The following NLRP3 variants were observed in gnomAD, a reference collection of about 807,000 sequenced individuals.
NLRP3 encodes NLR family pyrin domain containing 3.
Under a neutral mutation model 91.3 loss-of-function variants are expected in NLRP3, and 48 were observed. The ratio of observed to expected loss-of-function variants is 0.53; its 90% confidence interval spans 0.42 to 0.67. The LOEUF is 0.67. Ranked by LOEUF, NLRP3 falls within the 30% of genes least tolerant of loss-of-function variation. The pLI, the probability that NLRP3 is intolerant of heterozygous loss-of-function variation, is 0.00. For missense variants in NLRP3, 982 were observed against 1,276.9 expected, an observed-to-expected ratio of 0.77 and a Z score of 3.52; for synonymous variants, 561 against 507.9, an observed-to-expected ratio of 1.10 and a Z score of -1.41.
intron 2 of NLRP3, among the ~76,000 whole-genome samples, chr1:247,422,863 G>C (rs1662561290): frequency 6.6e-6 from 1 of 152,214 alleles, no homozygotes. Flanking sequence ...GGGGATATAG[G>C]AGAGCTTGGA....
intron 4 of NLRP3, among the ~76,000 whole-genome samples, chr1:247,428,477 C>T (rs991692836): frequency 2.0e-5 from 3 of 152,200 alleles, no homozygotes; most frequent in African/African-American, 7.2e-5. Context: ...TCAAAGGTGA[C>T]TGCATGTGTG....
At chr1:247,428,404 T>C (rs115895204) in intron 4 of NLRP3, among the ~76,000 whole-genome samples, 280 of 152,358 alleles carry the variant, frequency 1.8e-3, no homozygotes, top group African/African-American at 6.4e-3. Context: ...AAATGCAGGA[T>C]TGTGGACCCA....
At chr1:247,419,162 A>AT (rs1209804180) in intron 2 of NLRP3, 85 bp downstream of exon 2, 446 of 247,370 alleles carry the variant, frequency 1.8e-3, no homozygotes, top group South Asian at 4.9e-3. Flanking sequence ...ATATATATAT[A>AT]TATTTTTTTT....
At chr1:247,434,377 T>C (rs2103164582) in intron 6 of NLRP3, 104 bp downstream of exon 6, 2 of 1,248,698 alleles carry the variant, frequency 1.6e-6, no homozygotes, top group Non-Finnish European at 2.4e-6. Context: ...AGAATGGCCT[T>C]GGCGGCTCGG....
Position 247,434,134 on chromosome 1 carries a change from T to C in NLRP3, c.2353T>C (p.Cys785Arg). Residue 785 changes from cysteine to arginine, a missense_variant, in exon 6 of 10, where the codon TGC becomes CGC. Physicochemically the swap from Cys to Arg is radical, Grantham distance 180 (BLOSUM62 -3). Coordinates refer to ENST00000336119, the MANE Select transcript of NLRP3 (RefSeq NM_001243133.2). ...LGRCGLSHEC[C>R]FDISLVLSSN... ...GCGCTGTGGCCTCTCGCATGAGTGCTGCTTCGACATCTCCTTGGTCCTCAG... is the reference window on the plus strand; with the variant it reads ...GCGCTGTGGCCTCTCGCATGAGTGCCGCTTCGACATCTCCTTGGTCCTCAG... The C allele has an allele frequency of 6.2e-7, 1 of 1,614,296 alleles. No individual in the cohort carries two copies. The highest frequency in any genetic ancestry group is 8.5e-7 in the Non-Finnish European group (1 of 1,180,054).
intron 6 of NLRP3, among the ~76,000 whole-genome samples, 171 bp from the exon 7 acceptor site, chr1:247,435,795 GCTTA>G (rs1287160732): frequency 6.6e-6 from 1 of 152,196 alleles, no homozygotes; most frequent in Non-Finnish European, 1.5e-5. Flanking sequence ...CTTGGAGAAT[GCTTA>G]CTTGTTATTC....
chr1:247,424,454 A>G lies in NLRP3; in HGVS notation c.1005A>G (p.Arg335=), dbSNP rs1349065297. Residue 335 remains arginine, a synonymous_variant, in exon 4 of 10, where the codon AGA becomes AGG. Transcript: ENST00000336119. The surrounding 1 kb of genome is among the most constrained non-coding windows in gnomAD (Gnocchi z 8.1). ...RGDILLSSLI[R]KKLLPEASLL... is the part of the protein sequence containing the mutation. ...ACATTCTCCTGAGCAGCCTCATCAG[A>G]AAGAAGCTGCTTCCCGAGGCCTCTC... 1 of 1,614,196 alleles carries G rather than the reference A, an allele frequency of 6.2e-7. No individual in the cohort carries two copies. The highest frequency in any genetic ancestry group is 1.7e-5 in the Admixed American group (1 of 60,028).
Position 247,423,842 on chromosome 1 carries a change from C to G in NLRP3, c.398-5C>G, listed in dbSNP as rs200459664. Reference sequence around the variant, plus strand: ...TTTCCCCCTAACTTCCTGTCTTTGCCGTAGATTACCGTAAGAAGTACAGAA... The same window carrying G: ...TTTCCCCCTAACTTCCTGTCTTTGCGGTAGATTACCGTAAGAAGTACAGAA... On this transcript the variant is annotated splice_polypyrimidine_tract_variant and splice_region_variant and intron_variant, in intron 3 of 9. Transcript: ENST00000336119. The G allele has an allele frequency of 1.2e-6, 2 of 1,612,972 alleles. No homozygotes were observed. Among genetic ancestry groups the G allele is most frequent in the African/African-American group, 1.3e-5 (1 of 74,786 alleles).
intron 7 of NLRP3, among the ~76,000 whole-genome samples, chr1:247,440,242 T>C (rs1664115963): frequency 6.6e-6 from 1 of 152,226 alleles, no homozygotes. Flanking sequence ...GCTGAGCATT[T>C]GCAACATTGG....
At chr1:247,441,368 C>T (rs1192202180) in intron 7 of NLRP3, among the ~76,000 whole-genome samples, 1 of 151,898 alleles carries the variant, frequency 6.6e-6, no homozygotes, top group Non-Finnish European at 1.5e-5. Flanking sequence ...AGCCTTCTGA[C>T]TAGCTAGGAC....
Position 247,448,419 on chromosome 1 carries a change from A to G in NLRP3, c.3020A>G (p.Tyr1007Cys), listed in dbSNP as rs1664743681. Residue 1007 changes from tyrosine to cysteine, a missense_variant, in exon 10 of 10, where the codon TAT (tyrosine) becomes TGT (cysteine). Transcript: ENST00000336119. Reference sequence around the variant, plus strand: ...TGCTTTTACAGGTTGTCTGAAATGTATTTCAATTATGAGACAAAAAGTGCG... The same window carrying G: ...TGCTTTTACAGGTTGTCTGAAATGTGTTTCAATTATGAGACAAAAAGTGCG... ...LLQNLGLSEMYFNYETKSALE... is the reference protein window; with the variant it reads ...LLQNLGLSEMCFNYETKSALE... 5.0e-6 allele frequency: 8 copies of G among 1,607,400 alleles called. No individual in the cohort carries two copies. The highest frequency in any genetic ancestry group is 6.8e-6 in the Non-Finnish European group (8 of 1,174,074).
chr1:247,441,135 CTTTCTT>C (rs1664199874), intron 7 of NLRP3, among the ~76,000 whole-genome samples: 53 of 26,032 alleles, frequency 2.0e-3, no homozygotes, highest in Admixed American at 8.0e-3. Flanking sequence ...TTTTCTCTTT[CTTTCTT>C]TCTTTCTCTC....
At chr1:247,444,902 CTCTCGCT>C in intron 9 of NLRP3, 81 bp downstream of exon 9, 1 of 1,455,968 alleles carries the variant, frequency 6.9e-7, no homozygotes, top group African/African-American at 1.4e-5. Context: ...TCCAGGATGG[CTCTCGCT>C]TCATTTGCAG....
rs779757183 is a variant in NLRP3 at position 247,424,274 on chromosome 1, G to A, written c.825G>A (p.Met275Ile). 6.2e-7 allele frequency: 1 copy of A among 1,614,126 alleles called. No homozygotes were observed. Among genetic ancestry groups the A allele is most frequent in the South Asian group, 1.1e-5 (1 of 91,082 alleles). Residue 275 changes from methionine to isoleucine, a missense_variant, in exon 4 of 10, where the codon ATG becomes ATA. Met to Ile is a conservative substitution (Grantham distance 10). Transcript: ENST00000336119. The surrounding 1 kb of genome is among the most constrained non-coding windows in gnomAD (Gnocchi z 8.1). The part of the protein sequence containing the change: ...VTQRSLGDLI[M>I]SCCPDPNPPI... ...AGAGGAGCCTGGGGGACCTGATCATGAGCTGCTGCCCCGACCCAAACCCAC... is the reference window on the plus strand; with the variant it reads ...AGAGGAGCCTGGGGGACCTGATCATAAGCTGCTGCCCCGACCCAAACCCAC...
chr1:247,429,385 C>T (rs1034061779), intron 4 of NLRP3, among the ~76,000 whole-genome samples, 200 bp from the exon 5 acceptor site: 2 of 152,126 alleles, frequency 1.3e-5, no homozygotes, highest in African/African-American at 2.4e-5. Flanking sequence ...GCTCTCCGTC[C>T]GAGAGGAGGC....
chr1:247,428,293 G>A (rs1186671030), intron 4 of NLRP3, among the ~76,000 whole-genome samples: 2 of 148,872 alleles, frequency 1.3e-5, no homozygotes, highest in Non-Finnish European at 2.9e-5. Flanking sequence ...AGGGGGCTCA[G>A]CACCCATCTT....
chr1:247,439,602 C>T (rs915208200), intron 7 of NLRP3, among the ~76,000 whole-genome samples: 14 of 152,150 alleles, frequency 9.2e-5, no homozygotes, highest in Non-Finnish European at 8.8e-5. Context: ...TTTCAGTAAC[C>T]GTATCACCAA....
chr1:247,419,414 C>T lies in NLRP3; in HGVS notation c.277+337C>T, dbSNP rs193106042. ...AGGTGATCCACCCGCCTCGGCCTCG[C>T]AAAGTGCTGGAATTACAGGTGTGAG... is the stretch of plus-strand genomic sequence containing the variant. On this transcript the variant is annotated intron_variant, in intron 2 of 9. Coordinates refer to ENST00000336119, the MANE Select transcript of NLRP3 (RefSeq NM_001243133.2). Among the ~76,000 whole-genome samples, 11 of 152,238 alleles carry T rather than the reference C, an allele frequency of 7.2e-5. 1 individual carries two copies. In the Middle Eastern group the frequency reaches 0.024, roughly 330 times the overall value.
chr1:247,436,484 G>T (rs1005202020), intron 7 of NLRP3, among the ~76,000 whole-genome samples: 2 of 152,070 alleles, frequency 1.3e-5, no homozygotes, highest in Non-Finnish European at 2.9e-5. Flanking sequence ...GCAAGTTATC[G>T]CATAGTGCAT....
Sources: allele counts gnomAD v4.1 joint callset (sites outside exome capture counted in the v4.1 genomes callset), GRCh38; gene constraint gnomAD v4.1.1; non-coding constraint Gnocchi (gnomAD v3.1); transcripts MANE v1.5; gene names NCBI Gene and HGNC (gene_info 2026-07-23, HGNC 2026-07-21).